The following CSMD1 variants were observed in gnomAD, a reference collection of about 807,000 sequenced individuals.
CSMD1 encodes the protein CUB and sushi domain-containing protein 1.
A neutral mutation model predicts 417.5 loss-of-function variants in CSMD1; 213 were observed. The ratio of observed to expected loss-of-function variants is 0.51; its 90% CI spans 0.46 to 0.57. The LOEUF is 0.57. Among genes scored for constraint, CSMD1 ranks in the 20% least tolerant of loss-of-function variants. CSMD1 has a pLI of 0.00. For missense variants in CSMD1, 6,923 were observed against 4,529.7 expected (o/e 1.53, Z -15.17); for synonymous variants, 2,862 against 1,736.8 (o/e 1.65, Z -16.11).
chr8:3,356,239 A>C (rs1808782427), intron 21 of CSMD1, among the ~76,000 whole-genome samples: 1 of 152,262 alleles, frequency 6.6e-6, no homozygotes. Context: ...AGAAAGGAAC[A>C]TGAAGCATGG....
intron 17 of CSMD1, among the ~76,000 whole-genome samples, chr8:3,394,060 A>T (rs1811541706): frequency 7.4e-6 from 1 of 134,648 alleles, no homozygotes; most frequent in Non-Finnish European, 1.6e-5. Flanking sequence ...ATATATAGAA[A>T]AAAAGAAAAA....
intron 18 of CSMD1, among the ~76,000 whole-genome samples, chr8:3,376,089 T>G (rs1810284166): frequency 6.6e-6 from 1 of 152,208 alleles, no homozygotes; most frequent in Non-Finnish European, 1.5e-5. Context: ...CCTTTTGCTA[T>G]GCTGATAGAT....
Position 4,518,895 on chromosome 8 carries a change from A to G in CSMD1, c.303-98830T>C, listed in dbSNP as rs182841035. ...ACTCTTCAAAGGTTTTCAAGTAAAC[A>G]TTCCCCATAAAATCGTGTCATGAGT... On this transcript the variant is annotated intron_variant, in intron 2 of 69. Transcript: ENST00000635120. Among the ~76,000 whole-genome samples the G allele has an allele frequency of 6.2e-4, 95 of 152,314 alleles. No individual in the cohort carries two copies. In the East Asian group the frequency reaches 0.018, roughly 28 times the overall value.
In CSMD1 at chr8:2,973,260, G is replaced by C; in HGVS notation, c.8780C>G (p.Ala2927Gly). ...PGFCGDPGTP[A>G]HGSRLGDDFK... ...GTCATCACCAAGCCGAGACCCATGT[G>C]CTGGGGTCCCCGGATCACCACAGAA... Residue 2927 changes from alanine to glycine, a missense_variant, in exon 57 of 70, where the codon GCA becomes GGA. By Grantham distance (60) the Ala-to-Gly change is moderately conservative. Transcript: ENST00000635120. 1 of 1,613,942 alleles carries C rather than the reference G, an allele frequency of 6.2e-7. No homozygotes were observed. Among genetic ancestry groups the C allele is most frequent in the Non-Finnish European group, 8.5e-7 (1 of 1,179,854 alleles).
At chr8:4,294,188 C>T (rs1196235176) in intron 3 of CSMD1, among the ~76,000 whole-genome samples, 1 of 152,156 alleles carries the variant, frequency 6.6e-6, no homozygotes, top group Admixed American at 6.6e-5. Context: ...AGCAACTACA[C>T]CCCAATTTCA....
chr8:3,626,933 T>C (rs1047713944), intron 7 of CSMD1, among the ~76,000 whole-genome samples: 1 of 151,212 alleles, frequency 6.6e-6, no homozygotes, highest in South Asian at 2.1e-4. Flanking sequence ...ATTAGTATAT[T>C]ATACAGTTTT....
At chr8:4,917,040 G>T (rs1389391226) in intron 1 of CSMD1, among the ~76,000 whole-genome samples, 1 of 152,164 alleles carries the variant, frequency 6.6e-6, no homozygotes, top group African/African-American at 2.4e-5. Flanking sequence ...AATTTTTGAA[G>T]AAGAGAGATT....
At chr8:3,544,618 G>A (rs1798583178) in intron 10 of CSMD1, among the ~76,000 whole-genome samples, 1 of 152,058 alleles carries the variant, frequency 6.6e-6, no homozygotes, top group Non-Finnish European at 1.5e-5. Flanking sequence ...CAAAGGCGGG[G>A]GCCCTGGGAA....
intron 2 of CSMD1, among the ~76,000 whole-genome samples, chr8:4,466,474 T>G (rs1800177356): frequency 6.6e-6 from 1 of 151,046 alleles, no homozygotes; most frequent in Admixed American, 6.6e-5. Context: ...GCAAGGAAAT[T>G]TAGCCTATAT....
intron 3 of CSMD1, among the ~76,000 whole-genome samples, chr8:4,380,282 G>C (rs925628057): frequency 2.6e-5 from 4 of 152,102 alleles, no homozygotes; most frequent in Non-Finnish European, 4.4e-5. Context: ...AGGTGACTAA[G>C]GTCAGCATCT....
At chr8:4,758,164 G>A (rs1468653346) in intron 1 of CSMD1, among the ~76,000 whole-genome samples, 4 of 152,032 alleles carry the variant, frequency 2.6e-5, no homozygotes, top group African/African-American at 9.7e-5. Context: ...TCTGCTTGGA[G>A]GTGTTTGCAT....
At chr8:3,327,165 G>T (rs2584221) in intron 23 of CSMD1, among the ~76,000 whole-genome samples, 1 of 150,860 alleles carries the variant, frequency 6.6e-6, no homozygotes. Context: ...TTTTTTGAAA[G>T]AGACTCTCTC....
chr8:3,639,798 T>A (rs558541881), intron 7 of CSMD1, among the ~76,000 whole-genome samples: 2 of 152,238 alleles, frequency 1.3e-5, no homozygotes, highest in Non-Finnish European at 2.9e-5. Context: ...ACTCATCCTA[T>A]TTTGGTTCAG....
intron 26 of CSMD1, among the ~76,000 whole-genome samples, chr8:3,250,491 C>T (rs552186159): frequency 2.0e-5 from 3 of 152,152 alleles, no homozygotes; most frequent in Non-Finnish European, 4.4e-5. Flanking sequence ...CAAGTCTTTG[C>T]TATTGTGAAT....
intron 42 of CSMD1, among the ~76,000 whole-genome samples, chr8:3,112,290 A>T (rs1816565453): frequency 6.6e-6 from 1 of 152,176 alleles, no homozygotes; most frequent in East Asian, 1.9e-4. Context: ...CCGTGCTAGT[A>T]ATTTAGTGTG....
chr8:4,978,258 G>A (rs140712095), intron 1 of CSMD1, among the ~76,000 whole-genome samples: 58 of 152,224 alleles, frequency 3.8e-4, no homozygotes, highest in African/African-American at 1.3e-3. Flanking sequence ...GTTCAAAGGG[G>A]GGACAGGCAG....
chr8:3,331,237 C>CAAAAAAAAAAAAAAAA (rs112278319), intron 23 of CSMD1, among the ~76,000 whole-genome samples: 10 of 128,504 alleles, frequency 7.8e-5, no homozygotes, highest in African/African-American at 3.2e-4. Flanking sequence ...GACTCCGTCT[C>CAAAAAAAAAAAAAAAA]AAAAAAAAAA....
intron 51 of CSMD1, among the ~76,000 whole-genome samples, chr8:3,024,082 T>C (rs1361695768): frequency 6.6e-6 from 1 of 152,142 alleles, no homozygotes; most frequent in Non-Finnish European, 1.5e-5. Flanking sequence ...CTGGGGTTTA[T>C]CACACACTTA....
intron 1 of CSMD1, among the ~76,000 whole-genome samples, chr8:4,715,505 G>C (rs959903038): frequency 4.6e-5 from 7 of 151,986 alleles, no homozygotes; most frequent in Non-Finnish European, 7.4e-5. Flanking sequence ...CCTCAAATCT[G>C]TATCTCCAGA....
Sources: allele counts gnomAD v4.1 joint callset (sites outside exome capture counted in the v4.1 genomes callset), GRCh38; gene constraint gnomAD v4.1.1; transcripts MANE v1.5; gene names NCBI Gene and HGNC (gene_info 2026-07-23, HGNC 2026-07-21).